MACROD2: variants seen among roughly 807,000 people sequenced by gnomAD.
MACROD2 encodes the protein ADP-ribose glycohydrolase MACROD2.
MACROD2 carries 36 observed loss-of-function variants against 70.4 expected under a neutral mutation model. The observed-to-expected ratio is 0.51, with a 90% CI of 0.39 to 0.68. The LOEUF is 0.68. MACROD2 is among the 30% of genes least tolerant of loss of function. The probability of loss-of-function intolerance (pLI) is 0.00; values close to 1 mark genes in which losing one functional copy is unlikely to be tolerated. For synonymous variants in MACROD2, 172 were observed against 178.8 expected, an observed-to-expected ratio of 0.96 and a Z score of 0.30; for missense variants, 496 against 538.4, an observed-to-expected ratio of 0.92 and a Z score of 0.78.
At chr20:14,331,060 A>G (rs569754082) in intron 3 of MACROD2, among the ~76,000 whole-genome samples, 1 of 152,234 alleles carries the variant, frequency 6.6e-6, no homozygotes, top group African/African-American at 2.4e-5. Flanking sequence ...ACCAAGAGTC[A>G]AGCATTTCTG....
chr20:16,011,876 A>C (rs2147528521), intron 15 of MACROD2, among the ~76,000 whole-genome samples: 1 of 152,300 alleles, frequency 6.6e-6, no homozygotes, highest in African/African-American at 2.4e-5. Flanking sequence ...CCACATCTCA[A>C]AACTCCAGGC....
intron 3 of MACROD2, chr20:14,323,633 T>C (rs138976678): frequency 2.0e-5 from 3 of 152,312 alleles, no homozygotes; most frequent in Non-Finnish European, 1.5e-5. Flanking sequence ...TGATCAGACT[T>C]TATCTTGAAG....
At chr20:15,723,709 G>A (rs2050821328) in intron 8 of MACROD2, among the ~76,000 whole-genome samples, 1 of 152,128 alleles carries the variant, frequency 6.6e-6, no homozygotes, top group Non-Finnish European at 1.5e-5. Context: ...CATCTTGGTT[G>A]CTTCCAAGTT....
intron 3 of MACROD2, among the ~76,000 whole-genome samples, chr20:14,409,631 G>A (rs1212410837): frequency 6.6e-6 from 1 of 152,022 alleles, no homozygotes; most frequent in Non-Finnish European, 1.5e-5. Flanking sequence ...ATGACACTTT[G>A]AGTCAGCTGT....
intron 5 of MACROD2, among the ~76,000 whole-genome samples, chr20:14,824,728 C>T (rs983558561): frequency 1.3e-5 from 2 of 151,944 alleles, no homozygotes; most frequent in African/African-American, 4.8e-5. Flanking sequence ...TCTCATTAGC[C>T]AAATCTAGTC....
intron 6 of MACROD2, among the ~76,000 whole-genome samples, chr20:15,428,304 A>G (rs1462288980): frequency 6.6e-6 from 1 of 152,172 alleles, no homozygotes; most frequent in East Asian, 1.9e-4. Context: ...ATCTTGTTGA[A>G]AACATTTTGC....
intron 15 of MACROD2, among the ~76,000 whole-genome samples, chr20:16,017,720 T>C (rs775658765): frequency 6.6e-6 from 1 of 152,220 alleles, no homozygotes; most frequent in South Asian, 2.1e-4. Flanking sequence ...TCAGAGTACA[T>C]ATATCAACAG....
intron 3 of MACROD2, among the ~76,000 whole-genome samples, chr20:14,387,873 A>G (rs370394602): frequency 1.1e-4 from 16 of 152,192 alleles, no homozygotes; most frequent in African/African-American, 3.9e-4. Flanking sequence ...TGCTACCTCA[A>G]CTGATTTCAG....
intron 5 of MACROD2, among the ~76,000 whole-genome samples, chr20:14,749,066 T>G (rs2071835940): frequency 6.6e-6 from 1 of 152,108 alleles, no homozygotes; most frequent in African/African-American, 2.4e-5. Context: ...CCTCTTTGTG[T>G]TTTGTCTCAT....
rs192839465 is a variant in MACROD2, at chr20:15,118,842, A to G, written c.419-111098A>G. ...CCAGCTTTTATACTTTGTTGGAAAT[A>G]CAGCCACTTCCAGAGAGAATTTGGC... is the stretch of plus-strand genomic sequence containing the variant. On this transcript the variant is annotated intron_variant, in intron 5 of 17. Coordinates refer to ENST00000684519, the MANE Select transcript of MACROD2 (RefSeq NM_001351661.2). 2.5e-3 allele frequency among the ~76,000 whole-genome samples: 378 copies of G among 152,342 alleles called. 1 individual carries two copies. Among genetic ancestry groups the G allele is most frequent in the African/African-American group, 8.5e-3 (355 of 41,580 alleles).
intron 8 of MACROD2, among the ~76,000 whole-genome samples, chr20:15,797,699 A>G (rs1474172623): frequency 1.3e-5 from 2 of 152,226 alleles, no homozygotes; most frequent in African/African-American, 2.4e-5. Flanking sequence ...AAGGGTTGGG[A>G]TGTTGCAGCC....
rs529389463 is a variant in MACROD2 at position 14,483,429 on chromosome 20, G to A, written c.272-10050G>A. Among the ~76,000 whole-genome samples the A allele has an allele frequency of 9.3e-5, 14 of 150,694 alleles. No individual in the cohort carries two copies. The East Asian group carries it at 1.6e-3, about 17-fold the overall frequency. ...TTTTATTTTTATTTTTTTTTGAGAC[G>A]GAGTTTCGCTCCTGTTGCCCAGGCT... On this transcript the variant is annotated intron_variant, in intron 3 of 17. Coordinates refer to ENST00000684519, the MANE Select transcript of MACROD2 (RefSeq NM_001351661.2).
At chr20:15,245,326 AT>A (rs1309783733) in intron 6 of MACROD2, among the ~76,000 whole-genome samples, 1 of 152,104 alleles carries the variant, frequency 6.6e-6, no homozygotes, top group Non-Finnish European at 1.5e-5. Context: ...GAGAAAATGT[AT>A]TTACTTATTT....
In MACROD2 at chr20:15,727,645, A is replaced by G. The variant is rs1769062229; in HGVS notation, c.646-135100A>G. Among the ~76,000 whole-genome samples the G allele has an allele frequency of 2.0e-5, 3 of 151,716 alleles. No homozygotes were observed. In the South Asian group the frequency reaches 6.3e-4, roughly 32 times the overall value. ...GTATTTTGTAATTCTCACTGTAGAGACCTTTCATCTCTCTGGTTAGCTGTA... is the reference window on the plus strand; with the variant it reads ...GTATTTTGTAATTCTCACTGTAGAGGCCTTTCATCTCTCTGGTTAGCTGTA... On this transcript the variant is annotated intron_variant, in intron 8 of 17. Transcript: ENST00000684519.
chr20:14,395,836 T>C (rs186713343), intron 3 of MACROD2, among the ~76,000 whole-genome samples: 43 of 152,362 alleles, frequency 2.8e-4, no homozygotes, highest in African/African-American at 1.0e-3. Context: ...ATTTCTTCTT[T>C]GACTCATGGG....
intron 4 of MACROD2, among the ~76,000 whole-genome samples, chr20:14,517,626 T>C (rs185312877): frequency 2.0e-5 from 3 of 152,146 alleles, no homozygotes; most frequent in Admixed American, 1.3e-4. Context: ...CCATGGCATG[T>C]GTATACCTGT....
At chr20:14,073,362 C>T (rs565516526) in intron 2 of MACROD2, among the ~76,000 whole-genome samples, 25 of 151,534 alleles carry the variant, frequency 1.6e-4, no homozygotes, top group Admixed American at 2.6e-4. Flanking sequence ...TTATGATTCA[C>T]GCAAATATAA....
At chr20:14,383,972 T>G (rs2083446954) in intron 3 of MACROD2, among the ~76,000 whole-genome samples, 1 of 152,144 alleles carries the variant, frequency 6.6e-6, no homozygotes, top group Non-Finnish European at 1.5e-5. Context: ...TAAATACAAA[T>G]CTCTTATAAT....
rs1221130900 is a variant in MACROD2 at position 15,937,481 on chromosome 20, G to T, written c.844G>T (p.Val282Phe). The change falls in exon 12 of 18, where the codon GTC becomes TTC. Residue 282 changes from valine to phenylalanine, a missense_variant. Val to Phe is a conservative substitution (Grantham distance 50, BLOSUM62 -1). Coordinates refer to ENST00000684519, the MANE Select transcript of MACROD2 (RefSeq NM_001351661.2). ...GTTTCTTTTCTGCTTTATAGATGGT[G>T]TCAACACTGTCACTGTGCCCGGCCC... is the stretch of plus-strand genomic sequence containing the variant. ...MEEQSQDADGVNTVTVPGPAS... is the reference protein window; with the variant it reads ...MEEQSQDADGFNTVTVPGPAS... 1 of 1,613,168 alleles carries T rather than the reference G, an allele frequency of 6.2e-7. No individual in the cohort carries two copies.
Sources: gnomAD v4.1 joint callset for allele counts (sites outside exome capture counted in the v4.1 genomes callset) on GRCh38, gnomAD v4.1.1 for gene constraint, MANE v1.5 for transcripts, NCBI Gene and HGNC (gene_info 2026-07-23, HGNC 2026-07-21) for gene names.